Variants in PAQR5 observed in about 807,000 individuals in gnomAD.
The protein encoded by PAQR5 is progestin and adipoQ receptor family member 5.
A neutral mutation model predicts 34.5 loss-of-function variants in PAQR5; 20 were observed. The observed-to-expected ratio is 0.58, with a 90% CI of 0.41 to 0.84. PAQR5 has a LOEUF of 0.84. Ranked by LOEUF, PAQR5 falls within the 40% of genes least tolerant of loss-of-function variation. PAQR5 has a pLI of 0.00. For synonymous variants in PAQR5, 131 were observed against 155.6 expected (o/e 0.84, Z 1.18); for missense variants, 378 against 412.7 (o/e 0.92, Z 0.73).
At chr15:69,400,762 G>T (rs1461841120) in intron 8 of PAQR5, among the ~76,000 whole-genome samples, 1 of 152,166 alleles carries the variant, frequency 6.6e-6, no homozygotes, top group African/African-American at 2.4e-5. Context: ...ACAACAGGGG[G>T]CTGTGCAGAA....
intron 4 of PAQR5, among the ~76,000 whole-genome samples, chr15:69,383,567 T>C (rs2055994566): frequency 8.6e-6 from 1 of 116,688 alleles, no homozygotes; most frequent in Non-Finnish European, 1.7e-5. Context: ...TGGTGGAGGG[T>C]TAGTGGGCCT....
intron 3 of PAQR5, among the ~76,000 whole-genome samples, chr15:69,369,730 T>C (rs1213239868): frequency 1.6e-5 from 2 of 127,608 alleles, no homozygotes; most frequent in Non-Finnish European, 3.3e-5. Context: ...CTGATGGTTA[T>C]GAATTTTGGG....
intron 1 of PAQR5, among the ~76,000 whole-genome samples, chr15:69,331,778 A>T (rs1053608453): frequency 3.3e-5 from 5 of 152,202 alleles, no homozygotes; most frequent in Non-Finnish European, 7.3e-5. Flanking sequence ...GTGCTGAATG[A>T]GGTGACTAAT....
intron 3 of PAQR5, among the ~76,000 whole-genome samples, chr15:69,365,208 G>T (rs957272018): frequency 2.4e-4 from 37 of 151,982 alleles, no homozygotes; most frequent in Admixed American, 2.4e-3. Context: ...CCAGGTTCAA[G>T]CGATTCTCAT....
intron 1 of PAQR5, among the ~76,000 whole-genome samples, chr15:69,331,256 T>C (rs747894378): frequency 3.3e-5 from 5 of 152,092 alleles, no homozygotes; most frequent in Non-Finnish European, 7.4e-5. Context: ...AACTCCACCA[T>C]GGGGTGTCTT....
At position 69,317,466 on chromosome 15, in the gene PAQR5, A is replaced by T. The variant is rs28439003; in HGVS notation, c.-277+18410A>T. On this transcript the variant is annotated intron_variant, in intron 1 of 8. Coordinates refer to ENST00000395407, the MANE Select transcript of PAQR5 (RefSeq NM_017705.4). Reference sequence around the variant, plus strand: ...CCCATGCCGGTCCACCCCCCTACCCAGGTCCATGCAGCCTTCTTCCCTCTG... The same window carrying T: ...CCCATGCCGGTCCACCCCCCTACCCTGGTCCATGCAGCCTTCTTCCCTCTG... Among the ~76,000 whole-genome samples, 7 of 152,210 alleles carry T rather than the reference A, an allele frequency of 4.6e-5. No individual in the cohort carries two copies. The East Asian group carries it at 1.2e-3, about 25-fold the overall frequency.
At chr15:69,321,417 G>A (rs2054093418) in intron 1 of PAQR5, among the ~76,000 whole-genome samples, 1 of 152,056 alleles carries the variant, frequency 6.6e-6, no homozygotes, top group Non-Finnish European at 1.5e-5. Flanking sequence ...TGTTACAGCC[G>A]GTCTGAGACG....
At chr15:69,358,951 A>C (rs1220147927) in intron 2 of PAQR5, among the ~76,000 whole-genome samples, 2 of 152,060 alleles carry the variant, frequency 1.3e-5, no homozygotes, top group Admixed American at 6.6e-5. Context: ...GTCTTAGTCC[A>C]TTTGGCATGC....
chr15:69,375,761 C>T (rs1249136819), intron 3 of PAQR5, among the ~76,000 whole-genome samples: 3 of 152,156 alleles, frequency 2.0e-5, no homozygotes, highest in Non-Finnish European at 2.9e-5. Context: ...TCCTCACAAG[C>T]TGGTTGTGAG....
intron 2 of PAQR5, among the ~76,000 whole-genome samples, chr15:69,358,633 A>ATTTTTTTTTTTTTTTTTTTTTTTTTTTTT (rs71149910): frequency 1.2e-5 from 1 of 84,466 alleles, no homozygotes. Flanking sequence ...GCTCTGTGGC[A>ATTTTTTTTTTTTTTTTTTTTTTTTTTTTT]TTTTTTTTTT....
intron 5 of PAQR5, among the ~76,000 whole-genome samples, chr15:69,389,451 A>C (rs2056196207): frequency 6.6e-6 from 1 of 152,220 alleles, no homozygotes; most frequent in Non-Finnish European, 1.5e-5. Context: ...AGCTGGGCTC[A>C]CAGTAAATTC....
At chr15:69,387,680 G>A (rs1335676770) in intron 5 of PAQR5, among the ~76,000 whole-genome samples, 1 of 152,172 alleles carries the variant, frequency 6.6e-6, no homozygotes, top group Non-Finnish European at 1.5e-5. Flanking sequence ...GAGCCAGAGT[G>A]AGGACTGAAG....
At chr15:69,301,796 A>G (rs1265675476) in intron 1 of PAQR5, among the ~76,000 whole-genome samples, 1 of 149,300 alleles carries the variant, frequency 6.7e-6, no homozygotes, top group Non-Finnish European at 1.5e-5. Context: ...TTTACAAGAC[A>G]TGTTTTCAAA....
At chr15:69,338,543 G>T (rs2054564235) in intron 2 of PAQR5, among the ~76,000 whole-genome samples, 1 of 152,194 alleles carries the variant, frequency 6.6e-6, no homozygotes, top group Non-Finnish European at 1.5e-5. Flanking sequence ...TTAGAAAGCG[G>T]TTCCACTCTT....
intron 3 of PAQR5, among the ~76,000 whole-genome samples, chr15:69,361,694 TG>T (rs2055236216): frequency 6.6e-6 from 1 of 152,132 alleles, no homozygotes; most frequent in African/African-American, 2.4e-5. Flanking sequence ...ACTCACAGTT[TG>T]GGGGACAACA....
chr15:69,371,536 C>G (rs1294699684), intron 3 of PAQR5, among the ~76,000 whole-genome samples: 1 of 151,962 alleles, frequency 6.6e-6, no homozygotes, highest in African/African-American at 2.4e-5. Context: ...AAACTGAAAA[C>G]AGTAGGGTTT....
intron 1 of PAQR5, among the ~76,000 whole-genome samples, chr15:69,303,804 A>G (rs1253670523): frequency 6.6e-6 from 1 of 152,186 alleles, no homozygotes; most frequent in East Asian, 1.9e-4. Flanking sequence ...CCTAGAGGCC[A>G]CAGTGCTCAG....
intron 1 of PAQR5, among the ~76,000 whole-genome samples, chr15:69,325,697 A>G (rs2054234946): frequency 6.6e-6 from 1 of 152,164 alleles, no homozygotes; most frequent in Non-Finnish European, 1.5e-5. Flanking sequence ...TCGGAACTAC[A>G]TTAACCCAAG....
intron 2 of PAQR5, among the ~76,000 whole-genome samples, chr15:69,355,325 TTTC>T (rs2055035165): frequency 2.1e-5 from 1 of 47,296 alleles, no homozygotes; most frequent in Non-Finnish European, 4.1e-5. Context: ...TCTTTCTTTC[TTTC>T]TTTCTTTCTT....
Sources: allele counts gnomAD v4.1 joint callset (sites outside exome capture counted in the v4.1 genomes callset), GRCh38; gene constraint gnomAD v4.1.1; transcripts MANE v1.5; gene names NCBI Gene and HGNC (gene_info 2026-07-23, HGNC 2026-07-21).